The following LRRC49 variants were observed in gnomAD, a reference collection of about 807,000 sequenced individuals.
LRRC49 encodes leucine-rich repeat-containing protein 49.
Under a neutral mutation model 83.3 loss-of-function variants are expected in LRRC49, and 50 were observed. The observed-to-expected ratio is 0.60, with a 90% CI of 0.48 to 0.76. The LOEUF (loss-of-function observed/expected upper bound fraction) is 0.76, where lower values mean the gene tolerates loss of function less well. LRRC49 is among the 30% of genes least tolerant of loss of function. The pLI, the probability that LRRC49 is intolerant of heterozygous loss-of-function variation, is 0.00. For missense variants in LRRC49, 704 were observed against 809.1 expected (o/e 0.87, Z 1.58); for synonymous variants, 286 against 283.3 (o/e 1.01, Z -0.10).
chr15:70,911,604 G>A lies in LRRC49; in HGVS notation c.567+6G>A. On this transcript the variant is annotated splice_donor_region_variant and intron_variant, in intron 6 of 15. Transcript: ENST00000260382. The stretch of plus-strand genomic sequence containing the variant: ...TGGATCTTCATGGAAATCAGGTATT[G>A]TAAAGCCCTTTCATTTCTTTCTTTT... 1.3e-6 allele frequency: 2 copies of A among 1,509,970 alleles called. No individual in the cohort carries two copies. Among genetic ancestry groups the A allele is most frequent in the Non-Finnish European group, 1.8e-6 (2 of 1,117,602 alleles). 93.5% of individuals were successfully genotyped at this position (1,509,970 alleles called of 1,614,324 possible).
chr15:70,898,878 A>T (rs769071263), intron 3 of LRRC49, among the ~76,000 whole-genome samples: 1 of 152,132 alleles, frequency 6.6e-6, no homozygotes, highest in Non-Finnish European at 1.5e-5. Flanking sequence ...GGGTATTTAT[A>T]TACCCACATA....
chr15:70,959,536 G>GGGAAGGAAGGAAGGAAGGAA (rs375526332), intron 8 of LRRC49, among the ~76,000 whole-genome samples: 266 of 79,594 alleles, frequency 3.3e-3, no homozygotes, highest in Non-Finnish European at 3.6e-3. Flanking sequence ...GAGGAAAGGA[G>GGGAAGGAAGGAAGGAAGGAA]GGAAGGAAGG....
chr15:71,030,966 A>C (rs1406961308), intron 14 of LRRC49, among the ~76,000 whole-genome samples: 4 of 152,006 alleles, frequency 2.6e-5, no homozygotes, highest in Non-Finnish European at 5.9e-5. Context: ...TTTAGCTCAA[A>C]AGAGTTTGTT....
chr15:70,954,295 G>A (rs769346478), intron 8 of LRRC49, among the ~76,000 whole-genome samples: 40 of 152,188 alleles, frequency 2.6e-4, no homozygotes, highest in Middle Eastern at 6.8e-3. Context: ...AGTTCAGTTT[G>A]GTCTTTTTTT....
chr15:70,913,554 T>C (rs909805956), intron 6 of LRRC49, among the ~76,000 whole-genome samples: 2 of 152,136 alleles, frequency 1.3e-5, no homozygotes, highest in Admixed American at 1.3e-4. Context: ...GGCACTGAGA[T>C]GGAAAACAAC....
chr15:70,991,054 C>A (rs2037861184), intron 11 of LRRC49, among the ~76,000 whole-genome samples: 1 of 152,328 alleles, frequency 6.6e-6, no homozygotes, highest in Middle Eastern at 3.4e-3. Flanking sequence ...CAGCACAAAA[C>A]CTTCCTCTTT....
chr15:70,913,893 T>G (rs193266239), intron 6 of LRRC49, among the ~76,000 whole-genome samples: 1 of 152,252 alleles, frequency 6.6e-6, no homozygotes, highest in African/African-American at 2.4e-5. Flanking sequence ...GATCTGTACC[T>G]TATGTATAGG....
chr15:71,025,890 C>G (rs2039153506), intron 14 of LRRC49, among the ~76,000 whole-genome samples: 1 of 152,092 alleles, frequency 6.6e-6, no homozygotes, highest in South Asian at 2.1e-4. Context: ...TCTTAGAGAC[C>G]TACAAAGAGA....
chr15:70,935,801 C>G (rs2035573126), intron 7 of LRRC49, among the ~76,000 whole-genome samples: 1 of 152,142 alleles, frequency 6.6e-6, no homozygotes, highest in Non-Finnish European at 1.5e-5. Context: ...ATACTGGAAT[C>G]TTTCCCTGTC....
At position 70,984,268 on chromosome 15, in the gene LRRC49, G is replaced by C. The variant is rs2037515682; in HGVS notation, c.1169+11G>C. ...CCCAGAGGAAACAGGGTATGCAATG[G>C]TATTTTTTCAAGATACAAGCATCTT... On this transcript the variant is annotated intron_variant, in intron 11 of 15. Coordinates refer to ENST00000260382, the MANE Select transcript of LRRC49 (RefSeq NM_017691.5). 2 of 1,583,838 alleles carry C rather than the reference G, an allele frequency of 1.3e-6. No homozygotes were observed. The highest frequency in any genetic ancestry group is 1.7e-6 in the Non-Finnish European group (2 of 1,165,378).
rs1159247773 is a variant in LRRC49, at chr15:70,904,716, C to T, written c.461C>T (p.Thr154Ile). 7 of 1,613,570 alleles carry T rather than the reference C, an allele frequency of 4.3e-6. No individual in the cohort carries two copies. The highest frequency in any genetic ancestry group is 1.3e-5 in the African/African-American group (1 of 74,998). The change falls in exon 5 of 16, where the codon ACT (threonine) becomes ATT (isoleucine). Residue 154 changes from threonine to isoleucine, a missense_variant. This residue lies in a region of LRRC49 where 261 missense variants were observed against 330.5 expected (regional missense o/e 0.79). Transcript: ENST00000260382. ...NQIEEISGLS[T>I]LRCLRVLLLG... ...ATTGAAGAAATTAGTGGGCTTTCGA[C>T]TCTGAGATGTCTTCGTGTCCTTCTG...
chr15:70,962,565 A>G (rs1212973599), intron 8 of LRRC49, among the ~76,000 whole-genome samples: 1 of 152,074 alleles, frequency 6.6e-6, no homozygotes, highest in African/African-American at 2.4e-5. Flanking sequence ...TAGAAAATAC[A>G]TGAGTATAGA....
chr15:70,950,306 A>T (rs189331147), intron 8 of LRRC49, among the ~76,000 whole-genome samples: 1 of 152,160 alleles, frequency 6.6e-6, no homozygotes, highest in African/African-American at 2.4e-5. Context: ...TCATTTGGAT[A>T]TATACCCAAT....
intron 1 of LRRC49, chr15:70,858,732 A>C: frequency 8.9e-7 from 1 of 1,121,456 alleles, no homozygotes. Flanking sequence ...AGGGTGACCC[A>C]GAAGTCCTAC....
chr15:71,009,874 G>A lies in LRRC49; in HGVS notation c.1475G>A (p.Arg492His), dbSNP rs766840882. Reference protein sequence around the residue: ...QQFNALAQLRRIDQLTIDPQG... With the variant: ...QQFNALAQLRHIDQLTIDPQG... Reference sequence around the variant, plus strand: ...TTTAACGCACTAGCCCAACTCCGTCGTATTGACCAGTTGACAATTGATCCT... The same window carrying A: ...TTTAACGCACTAGCCCAACTCCGTCATATTGACCAGTTGACAATTGATCCT... The change falls in exon 13 of 16, where the codon CGT becomes CAT. Residue 492 changes from arginine to histidine, a missense_variant. Physicochemically the swap from Arg to His is conservative, Grantham distance 29 (BLOSUM62 0). Coordinates refer to ENST00000260382, the MANE Select transcript of LRRC49 (RefSeq NM_017691.5). 36 of 1,612,140 alleles carry A rather than the reference G, an allele frequency of 2.2e-5. 1 individual carries two copies. Among genetic ancestry groups the A allele is most frequent in the Admixed American group, 8.3e-5 (5 of 59,906 alleles).
upstream of LRRC49, among the ~76,000 whole-genome samples, chr15:70,891,565 C>CTG (rs1491474980): frequency 3.6e-4 from 43 of 119,064 alleles, no homozygotes; most frequent in South Asian, 1.5e-3. Context: ...CAGGACAAGA[C>CTG]TCTGTGTGTG....
At chr15:70,856,299 T>C (rs578220204) in intron 1 of LRRC49, among the ~76,000 whole-genome samples, 1 of 152,200 alleles carries the variant, frequency 6.6e-6, no homozygotes, top group Non-Finnish European at 1.5e-5. Flanking sequence ...TATCTGCCTA[T>C]GTTGTTTCTG....
intron 8 of LRRC49, among the ~76,000 whole-genome samples, chr15:70,941,627 A>T (rs1173488972): frequency 6.6e-6 from 1 of 152,126 alleles, no homozygotes; most frequent in Non-Finnish European, 1.5e-5. Context: ...AAGCAAAAAA[A>T]TCTAATGGAT....
chr15:70,952,360 G>T (rs182857859), intron 8 of LRRC49, among the ~76,000 whole-genome samples: 1 of 151,836 alleles, frequency 6.6e-6, no homozygotes, highest in Admixed American at 6.6e-5. Context: ...TTGTATATCT[G>T]GTAGAATTCA....
Sources: gnomAD v4.1 joint callset for allele counts (sites outside exome capture counted in the v4.1 genomes callset) on GRCh38, gnomAD v4.1.1 for gene constraint, gnomAD v4.1.1 regional missense constraint, MANE v1.5 for transcripts, NCBI Gene and HGNC (gene_info 2026-07-23, HGNC 2026-07-21) for gene names.